The following KIZ variants were observed in gnomAD, a reference collection of about 807,000 sequenced individuals.
KIZ encodes the protein centrosomal protein kizuna.
Under a neutral mutation model 79.6 loss-of-function variants are expected in KIZ, and 68 were observed. The observed-to-expected ratio is 0.85, with a 90% CI of 0.70 to 1.05. KIZ has a LOEUF of 1.05. Ranked by LOEUF, KIZ falls within the 50% of genes least tolerant of loss-of-function variation. The pLI is 0.00. For synonymous variants in KIZ, 280 were observed against 281.8 expected, an observed-to-expected ratio of 0.99 and a Z score of 0.06; for missense variants, 797 against 800.4, an observed-to-expected ratio of 1.00 and a Z score of 0.05.
intron 6 of KIZ, among the ~76,000 whole-genome samples, chr20:21,181,122 A>C (rs2034637519): frequency 1.3e-5 from 2 of 152,244 alleles, no homozygotes; most frequent in Non-Finnish European, 2.9e-5. Flanking sequence ...GCCTGGAGAT[A>C]AGCAAGCATG....
At chr20:21,126,059 CA>C, upstream of KIZ, 1 of 1,400,452 alleles carries the variant, frequency 7.1e-7, no homozygotes, top group East Asian at 3.1e-5. Flanking sequence ...TCTCCTTCGG[CA>C]ACCCCGGCCG....
intron 6 of KIZ, among the ~76,000 whole-genome samples, chr20:21,186,518 T>C (rs1325048295): frequency 3.3e-5 from 5 of 151,092 alleles, no homozygotes; most frequent in Non-Finnish European, 7.4e-5. Context: ...CCCAGCTACT[T>C]CCATACTTTC....
intron 6 of KIZ, among the ~76,000 whole-genome samples, chr20:21,178,685 G>A (rs1286187284): frequency 6.6e-6 from 1 of 152,100 alleles, no homozygotes; most frequent in Non-Finnish European, 1.5e-5. Flanking sequence ...TTTCACCATT[G>A]AGTATGATAT....
intron 3 of KIZ, among the ~76,000 whole-genome samples, chr20:21,143,419 G>C (rs1402129948): frequency 6.6e-6 from 1 of 152,208 alleles, no homozygotes. Flanking sequence ...TGAGAATGCA[G>C]AAAGTATCAT....
intron 6 of KIZ, among the ~76,000 whole-genome samples, chr20:21,168,298 A>G (rs994072782): frequency 6.6e-6 from 1 of 152,088 alleles, no homozygotes; most frequent in African/African-American, 2.4e-5. Context: ...TATGTGCCAC[A>G]TTTTCTTAAT....
At chr20:21,151,512 A>G (rs1201955048) in intron 4 of KIZ, 2 of 152,172 alleles carry the variant, frequency 1.3e-5, no homozygotes, top group Admixed American at 6.5e-5. Flanking sequence ...AGAAGGGGAA[A>G]AGAAACGTAA....
intron 4 of KIZ, among the ~76,000 whole-genome samples, chr20:21,158,164 G>C (rs2033474509): frequency 6.6e-6 from 1 of 152,108 alleles, no homozygotes; most frequent in Non-Finnish European, 1.5e-5. Context: ...TATTATATCA[G>C]TGTAATATAT....
chr20:21,237,072 TG>T (rs1176441693), intron 11 of KIZ, among the ~76,000 whole-genome samples: 2 of 149,490 alleles, frequency 1.3e-5, no homozygotes, highest in Non-Finnish European at 3.0e-5. Context: ...GAGGCCAAGG[TG>T]GGTGGACCGC....
intron 4 of KIZ, chr20:21,153,968 C>T (rs1032594980): frequency 2.6e-5 from 4 of 152,002 alleles, no homozygotes; most frequent in East Asian, 1.9e-4. Flanking sequence ...GTGTGTGATA[C>T]GTGTATCATG....
intron 6 of KIZ, among the ~76,000 whole-genome samples, chr20:21,170,013 T>A (rs909541320): frequency 6.6e-6 from 1 of 152,216 alleles, no homozygotes; most frequent in East Asian, 1.9e-4. Flanking sequence ...CAATTGTGAA[T>A]AAAGCTGCCA....
chr20:21,170,925 C>G (rs1001251602), intron 6 of KIZ, among the ~76,000 whole-genome samples: 1 of 152,172 alleles, frequency 6.6e-6, no homozygotes, highest in Admixed American at 6.5e-5. Context: ...ACCTCCAGTT[C>G]CATCTATGTT....
chr20:21,134,856 G>A (rs1467820236), intron 2 of KIZ, among the ~76,000 whole-genome samples: 2 of 151,474 alleles, frequency 1.3e-5, no homozygotes, highest in South Asian at 2.1e-4. Flanking sequence ...TAGTAGAGGC[G>A]GTGTTTCACC....
intron 11 of KIZ, among the ~76,000 whole-genome samples, chr20:21,233,460 A>T (rs1345184865): frequency 6.6e-6 from 1 of 152,224 alleles, no homozygotes; most frequent in Non-Finnish European, 1.5e-5. Context: ...GCTTCAGGTC[A>T]CTTAGAATTT....
At chr20:21,208,007 G>A (rs77584814) in intron 7 of KIZ, among the ~76,000 whole-genome samples, 2 of 152,104 alleles carry the variant, frequency 1.3e-5, no homozygotes, top group South Asian at 2.1e-4. Flanking sequence ...GAGCCACCAC[G>A]CCCAGCCGAT....
chr20:21,236,480 T>C (rs1191102172), intron 11 of KIZ, among the ~76,000 whole-genome samples: 6 of 152,214 alleles, frequency 3.9e-5, no homozygotes, highest in Non-Finnish European at 8.8e-5. Flanking sequence ...GACTATGTCT[T>C]ATAATAAATT....
intron 6 of KIZ, among the ~76,000 whole-genome samples, chr20:21,190,261 C>T (rs575966428): frequency 1.3e-5 from 2 of 152,356 alleles, no homozygotes; most frequent in East Asian, 1.9e-4. Flanking sequence ...ATCAGTAGTC[C>T]TCACAGTTGA....
At chr20:21,173,593 A>AG (rs1371969296) in intron 6 of KIZ, among the ~76,000 whole-genome samples, 1,732 of 144,108 alleles carry the variant, frequency 0.012, 35 homozygotes, top group African/African-American at 0.042. Context: ...AAAAAAAAAA[A>AG]AAAGAAAGAA....
intron 6 of KIZ, among the ~76,000 whole-genome samples, chr20:21,193,257 C>T (rs1568962823): frequency 6.6e-6 from 1 of 152,198 alleles, no homozygotes; most frequent in South Asian, 2.1e-4. Flanking sequence ...CCTATTGTGC[C>T]GCAACTGAAA....
Position 21,222,563 on chromosome 20 carries a change from G to A in KIZ, c.1679-6448G>A, listed in dbSNP as rs1472223211. Among the ~76,000 whole-genome samples the A allele has an allele frequency of 2.6e-5, 4 of 152,048 alleles. No individual in the cohort carries two copies. The East Asian group carries it at 7.7e-4, about 29-fold the overall frequency. On this transcript the variant is annotated intron_variant, in intron 9 of 12. Coordinates refer to ENST00000619189, the MANE Select transcript of KIZ (RefSeq NM_018474.6). ...GGGTTGGAGTGTATTATTTTCCTAGGGCTGTTGTAACAAAGTATCACAAAC... is the reference window on the plus strand; with the variant it reads ...GGGTTGGAGTGTATTATTTTCCTAGAGCTGTTGTAACAAAGTATCACAAAC...
Sources: allele counts gnomAD v4.1 joint callset (sites outside exome capture counted in the v4.1 genomes callset), GRCh38; gene constraint gnomAD v4.1.1; transcripts MANE v1.5; gene names NCBI Gene and HGNC (gene_info 2026-07-23, HGNC 2026-07-21).